The following SYNPR variants were observed in gnomAD, a reference collection of about 807,000 sequenced individuals.
The protein encoded by SYNPR is synaptoporin.
Under a neutral mutation model 32.9 loss-of-function variants are expected in SYNPR, and 23 were observed. That is an observed-to-expected ratio of 0.70 (90% CI 0.50 to 0.99). The LOEUF (loss-of-function observed/expected upper bound fraction) is 0.99, where lower values mean the gene tolerates loss of function less well. Ranked by LOEUF, SYNPR falls within the 50% of genes least tolerant of loss-of-function variation. SYNPR has a pLI of 0.00. For synonymous variants in SYNPR, 146 were observed against 135.9 expected, an observed-to-expected ratio of 1.07 and a Z score of -0.52; for missense variants, 318 against 349.3, an observed-to-expected ratio of 0.91 and a Z score of 0.71.
At chr3:63,272,507 G>A (rs536268274) in intron 3 of SYNPR, among the ~76,000 whole-genome samples, 1 of 136,602 alleles carries the variant, frequency 7.3e-6, no homozygotes, top group East Asian at 2.0e-4. Context: ...TCGTTCCATG[G>A]GCATTTTTTT....
At chr3:63,324,187 TGTAA>T (rs146399592) in intron 2 of SYNPR, among the ~76,000 whole-genome samples, 3,175 of 152,192 alleles carry the variant, frequency 0.021, 113 homozygotes, top group African/African-American at 0.071. Flanking sequence ...ACAACAGTTG[TGTAA>T]GTATTATTAA....
At chr3:63,458,985 G>A (rs555180590) in intron 2 of SYNPR, among the ~76,000 whole-genome samples, 4 of 151,964 alleles carry the variant, frequency 2.6e-5, no homozygotes, top group African/African-American at 4.8e-5. Flanking sequence ...TCCTTCTGAA[G>A]TATCTCTCTA....
intron 2 of SYNPR, among the ~76,000 whole-genome samples, chr3:63,259,005 C>G (rs1560171083): frequency 6.6e-6 from 1 of 152,146 alleles, no homozygotes; most frequent in South Asian, 2.1e-4. Flanking sequence ...CACATACACC[C>G]TCCCAAGACT....
chr3:63,288,246 A>G (rs2086704995), intron 2 of SYNPR, among the ~76,000 whole-genome samples: 1 of 152,206 alleles, frequency 6.6e-6, no homozygotes. Flanking sequence ...AAGGGTCATG[A>G]TATTCGAAAC....
the SYNPR span, among the ~76,000 whole-genome samples, chr3:63,219,379 G>C: frequency 3.3e-5 from 5 of 152,184 alleles, no homozygotes; most frequent in African/African-American, 9.6e-5. Flanking sequence ...GCTGTCATCA[G>C]GTTATGCTGT....
At chr3:63,273,290 T>G (rs1310006528) in intron 3 of SYNPR, among the ~76,000 whole-genome samples, 5 of 152,330 alleles carry the variant, frequency 3.3e-5, no homozygotes, top group African/African-American at 1.2e-4. Context: ...AAATCCTGAC[T>G]CTGCTGTTTA....
chr3:63,437,074 A>G (rs1224735190), intron 2 of SYNPR, among the ~76,000 whole-genome samples: 2 of 152,082 alleles, frequency 1.3e-5, no homozygotes, highest in African/African-American at 4.8e-5. Flanking sequence ...ATGGGGTTTC[A>G]TCATGTTAGC....
At chr3:63,210,277 A>T in the SYNPR span, among the ~76,000 whole-genome samples, 2 of 152,200 alleles carry the variant, frequency 1.3e-5, no homozygotes, top group African/African-American at 2.4e-5. Context: ...CTGAGAATGG[A>T]GGAAAAGCTA....
chr3:63,361,859 G>A (rs1048656336), intron 2 of SYNPR, among the ~76,000 whole-genome samples: 4 of 152,022 alleles, frequency 2.6e-5, no homozygotes, highest in Admixed American at 6.6e-5. Flanking sequence ...GTATTGTCCT[G>A]TAAAATAAGA....
chr3:63,229,299 C>T (rs1420409788), intron 1 of SYNPR, among the ~76,000 whole-genome samples: 1 of 151,990 alleles, frequency 6.6e-6, no homozygotes, highest in Non-Finnish European at 1.5e-5. Flanking sequence ...GAGAGCAATT[C>T]ACATTATCAT....
intron 3 of SYNPR, among the ~76,000 whole-genome samples, chr3:63,493,748 G>A (rs4688172): frequency 0.6 from 90,311 of 149,444 alleles, 27,504 homozygotes; most frequent in African/African-American, 0.67. Flanking sequence ...CCCAGAAGGC[G>A]GAGGTTGCAG....
chr3:63,344,900 G>A (rs932869649), intron 2 of SYNPR, among the ~76,000 whole-genome samples: 3 of 152,108 alleles, frequency 2.0e-5, no homozygotes, highest in Admixed American at 6.5e-5. Flanking sequence ...TTCTTGAGCT[G>A]ACTCCCTGCC....
chr3:63,340,481 G>A (rs908007610), intron 2 of SYNPR, among the ~76,000 whole-genome samples: 42 of 146,150 alleles, frequency 2.9e-4, no homozygotes, highest in African/African-American at 1.0e-3. Flanking sequence ...GTGCAGTGGC[G>A]GGATCTCGGC....
At chr3:63,315,129 T>C (rs1242972944) in intron 2 of SYNPR, among the ~76,000 whole-genome samples, 1 of 152,136 alleles carries the variant, frequency 6.6e-6, no homozygotes, top group East Asian at 1.9e-4. Flanking sequence ...GCTGTTTTGG[T>C]GACTACGGCC....
intron 2 of SYNPR, among the ~76,000 whole-genome samples, chr3:63,385,422 G>T (rs1170301196): frequency 8.5e-5 from 13 of 152,156 alleles, no homozygotes; most frequent in Admixed American, 8.5e-4. Flanking sequence ...GTGATTCAAT[G>T]TGATTTAATA....
intron 3 of SYNPR, among the ~76,000 whole-genome samples, chr3:63,499,626 A>G (rs1701440541): frequency 6.6e-6 from 1 of 152,200 alleles, no homozygotes; most frequent in Non-Finnish European, 1.5e-5. Flanking sequence ...AGAGGAACAA[A>G]GACACCTTGA....
intron 2 of SYNPR, among the ~76,000 whole-genome samples, chr3:63,259,102 T>C (rs1437104241): frequency 6.6e-6 from 1 of 151,878 alleles, no homozygotes; most frequent in African/African-American, 2.4e-5. Flanking sequence ...ACAAAAAAAA[T>C]CCAGGACCAG....
chr3:63,536,081 C>T (rs1702200726), intron 3 of SYNPR, among the ~76,000 whole-genome samples: 1 of 151,914 alleles, frequency 6.6e-6, no homozygotes, highest in Non-Finnish European at 1.5e-5. Context: ...GCCTGCTCAA[C>T]ATAAGGAAAC....
At chr3:63,592,372 T>C (rs1699849974) in intron 4 of SYNPR, among the ~76,000 whole-genome samples, 1 of 152,122 alleles carries the variant, frequency 6.6e-6, no homozygotes, top group South Asian at 2.1e-4. Flanking sequence ...TTAAAACAAA[T>C]ATTTAAATTA....
Sources: gnomAD v4.1 joint callset for allele counts (sites outside exome capture counted in the v4.1 genomes callset) on GRCh38, gnomAD v4.1.1 for gene constraint, MANE v1.5 for transcripts, NCBI Gene and HGNC (gene_info 2026-07-23, HGNC 2026-07-21) for gene names.